SVOPL: variants seen among roughly 807,000 people sequenced by gnomAD.
SVOPL encodes putative transporter SVOPL.
A neutral mutation model predicts 61.0 loss-of-function variants in SVOPL; 60 were observed. The ratio of observed to expected loss-of-function variants is 0.98; its 90% confidence interval spans 0.80 to 1.22. The LOEUF is 1.22. Ranked by LOEUF, SVOPL falls within the 50% of genes most tolerant of loss-of-function variation. The pLI is 0.00. For synonymous variants in SVOPL, 279 were observed against 250.0 expected, an observed-to-expected ratio of 1.12 and a Z score of -1.09; for missense variants, 662 against 643.9, an observed-to-expected ratio of 1.03 and a Z score of -0.30.
intron 9 of SVOPL, among the ~76,000 whole-genome samples, chr7:138,641,018 C>T (rs1420178909): frequency 1.3e-5 from 2 of 151,930 alleles, no homozygotes; most frequent in Non-Finnish European, 2.9e-5. Flanking sequence ...GCCTGAGCAA[C>T]AAAGCAAGAC....
intron 6 of SVOPL, among the ~76,000 whole-genome samples, chr7:138,657,937 CTGGACAT>C (rs1459215128): frequency 3.3e-5 from 5 of 152,182 alleles, no homozygotes; most frequent in African/African-American, 1.2e-4. Context: ...AGGGTAATTT[CTGGACAT>C]TGCCATGGCA....
At chr7:138,671,976 G>A (rs1157799157) in intron 4 of SVOPL, 43 bp downstream of exon 4, 97 of 1,522,990 alleles carry the variant, frequency 6.4e-5, no homozygotes, top group Non-Finnish European at 7.8e-5. Flanking sequence ...GGGAGCCTAC[G>A]CCCTCAGTTG....
intron 7 of SVOPL, among the ~76,000 whole-genome samples, chr7:138,653,717 C>A (rs918420344): frequency 6.6e-6 from 1 of 152,056 alleles, no homozygotes; most frequent in Non-Finnish European, 1.5e-5. Flanking sequence ...GGGTGGATCA[C>A]AAGGTCAGGA....
rs542748746 is a variant in SVOPL at position 138,633,883 on chromosome 7, G to A, written c.790-3761C>T. Among the ~76,000 whole-genome samples the A allele has an allele frequency of 5.3e-5, 8 of 152,252 alleles. No individual in the cohort carries two copies. The East Asian group carries it at 1.4e-3, about 26-fold the overall frequency. Reference sequence around the variant, plus strand: ...CAGTGATGTCCTCGGCAACAAATCAGGAACACCCAGGGAAGCCCACCTCTT... The same window carrying A: ...CAGTGATGTCCTCGGCAACAAATCAAGAACACCCAGGGAAGCCCACCTCTT... On this transcript the variant is annotated intron_variant, in intron 9 of 15. Transcript: ENST00000674285.
chr7:138,620,119 G>GTT (rs375556204), intron 14 of SVOPL, among the ~76,000 whole-genome samples: 3 of 114,588 alleles, frequency 2.6e-5, no homozygotes, highest in African/African-American at 9.4e-5. Flanking sequence ...TTTTTTTTCT[G>GTT]TTTTGTTTTT....
At chr7:138,597,050 CT>C in intron 14 of SVOPL, 1 of 1,157,122 alleles carries the variant, frequency 8.6e-7, no homozygotes. Context: ...CACCAAAACT[CT>C]TTGGTGTCAA....
intron 1 of SVOPL, among the ~76,000 whole-genome samples, chr7:138,679,391 T>A (rs1324220797): frequency 6.6e-6 from 1 of 152,070 alleles, no homozygotes; most frequent in Non-Finnish European, 1.5e-5. Context: ...TGCCTCAGCC[T>A]CTTGAGTAGC....
chr7:138,645,661 T>C (rs1377945256), intron 8 of SVOPL: 2 of 155,070 alleles, frequency 1.3e-5, no homozygotes, highest in African/African-American at 2.4e-5. Context: ...CTTTTTATTT[T>C]TTGCAGTTAA....
At chr7:138,617,890 T>C (rs1799369987) in intron 14 of SVOPL, among the ~76,000 whole-genome samples, 1 of 152,150 alleles carries the variant, frequency 6.6e-6, no homozygotes, top group African/African-American at 2.4e-5. Flanking sequence ...ACAATCGGCA[T>C]CTGTGAGTGG....
At chr7:138,648,458 T>C (rs1801234138) in intron 8 of SVOPL, among the ~76,000 whole-genome samples, 1 of 149,330 alleles carries the variant, frequency 6.7e-6, no homozygotes, top group Non-Finnish European at 1.5e-5. Context: ...TAATAGCACT[T>C]TGGGAGGCCG....
chr7:138,651,369 CAA>C (rs2117033009), intron 7 of SVOPL, among the ~76,000 whole-genome samples: 1 of 152,270 alleles, frequency 6.6e-6, no homozygotes, highest in South Asian at 2.1e-4. Flanking sequence ...TTGGTTGGTA[CAA>C]AATAATAGAC....
At chr7:138,667,310 C>T (rs938087962) in intron 4 of SVOPL, among the ~76,000 whole-genome samples, 1 of 152,188 alleles carries the variant, frequency 6.6e-6, no homozygotes, top group Non-Finnish European at 1.5e-5. Context: ...TGAAACCCTT[C>T]AAGATGCATA....
intron 4 of SVOPL, among the ~76,000 whole-genome samples, chr7:138,665,230 T>C (rs1254453243): frequency 6.8e-6 from 1 of 146,846 alleles, no homozygotes; most frequent in Non-Finnish European, 1.5e-5. Context: ...AGCATGACTC[T>C]CACAAAACAC....
intron 14 of SVOPL, among the ~76,000 whole-genome samples, chr7:138,613,342 A>G (rs537164457): frequency 6.6e-6 from 1 of 152,282 alleles, no homozygotes; most frequent in South Asian, 2.1e-4. Flanking sequence ...TTAAAAAACA[A>G]AACTGATCAT....
chr7:138,685,890 T>A (rs2117132140), intron 1 of SVOPL, among the ~76,000 whole-genome samples: 1 of 151,192 alleles, frequency 6.6e-6, no homozygotes, highest in South Asian at 2.1e-4. Context: ...TAAAATAAAA[T>A]AAATAATAAA....
chr7:138,644,612 C>T, intron 9 of SVOPL, 105 bp downstream of exon 9: 1 of 1,445,280 alleles, frequency 6.9e-7, no homozygotes, highest in Non-Finnish European at 9.2e-7. Context: ...GCCTCTCAGA[C>T]AGGACTAGAG....
chr7:138,659,899 C>T lies in SVOPL; in HGVS notation c.435G>A (p.Thr145=), dbSNP rs779988863. 14 of 1,551,492 alleles carry T rather than the reference C, an allele frequency of 9.0e-6. No homozygotes were observed. The highest frequency in any genetic ancestry group is 4.9e-5 in the East Asian group (2 of 40,898). ...PSYIWFVFLR[T]MVGCGVSGHS... ...GGCCGGACACACCACAGCCCACCATCGTCCGCAGGAAGACAAACCAGATGT... is the reference window on the plus strand; with the variant it reads ...GGCCGGACACACCACAGCCCACCATTGTCCGCAGGAAGACAAACCAGATGT... The change falls in exon 6 of 16, where the codon ACG becomes ACA. Residue 145 remains threonine (T), a synonymous_variant. Coordinates refer to ENST00000674285, the MANE Select transcript of SVOPL (RefSeq NM_001139456.2).
intron 13 of SVOPL, among the ~76,000 whole-genome samples, chr7:138,621,430 A>G (rs1799559244): frequency 6.6e-6 from 1 of 152,242 alleles, no homozygotes; most frequent in South Asian, 2.1e-4. Context: ...ATCAGAGAGA[A>G]GAGTGCCACT....
At chr7:138,700,335 CTT>C (rs776461183) in intron 1 of SVOPL, among the ~76,000 whole-genome samples, 1,496 of 99,758 alleles carry the variant, frequency 0.015, 24 homozygotes, top group African/African-American at 0.052. Flanking sequence ...TTCCGTATGT[CTT>C]TTTTTTTTTT....
Sources: allele counts gnomAD v4.1 joint callset (sites outside exome capture counted in the v4.1 genomes callset), GRCh38; gene constraint gnomAD v4.1.1; transcripts MANE v1.5; gene names NCBI Gene and HGNC (gene_info 2026-07-23, HGNC 2026-07-21).